The following IPO7 variants were observed in gnomAD, a reference collection of about 807,000 sequenced individuals.
IPO7 encodes importin-7.
IPO7 carries 13 observed loss-of-function variants against 136.4 expected under a neutral mutation model. The ratio of observed to expected loss-of-function variants is 0.10; its 90% confidence interval spans 0.06 to 0.15. IPO7 has a LOEUF of 0.15. Ranked by LOEUF, IPO7 falls within the 10% of genes least tolerant of loss-of-function variation. IPO7 has a pLI of 1.00. For missense variants in IPO7, 857 were observed against 1,240.6 expected (o/e 0.69, Z 4.65); for synonymous variants, 403 against 404.4 (o/e 1.00, Z 0.04).
chr11:9,429,305 A>G, intron 14 of IPO7, 109 bp downstream of exon 14: 2 of 926,380 alleles, frequency 2.2e-6, no homozygotes, highest in South Asian at 3.3e-5. Flanking sequence ...GCTTGAAGCC[A>G]GGTGTTCAAG....
chr11:9,447,089 A>G lies in IPO7; in HGVS notation c.*1895A>G, dbSNP rs978141460. On this transcript the variant is annotated 3_prime_UTR_variant, in exon 25 of 25. Coordinates refer to ENST00000379719, the MANE Select transcript of IPO7 (RefSeq NM_006391.3). ...CAGAGGGGAAATAATGAATAGTATT[A>G]AAGAAACATTCTCGTCTTCCTTTAC... 1 of 152,232 alleles carries G rather than the reference A, an allele frequency of 6.6e-6. No individual in the cohort carries two copies. Among genetic ancestry groups the G allele is most frequent in the Admixed American group, 6.5e-5 (1 of 15,280 alleles). 9.4% of individuals were successfully genotyped at this position (152,232 alleles called of 1,614,324 possible). A position where few individuals can be genotyped will look rare whatever the true frequency, so the allele number is the denominator to read the frequency against.
At chr11:9,404,741 A>G (rs1564994194) in intron 2 of IPO7, among the ~76,000 whole-genome samples, 2 of 150,940 alleles carry the variant, frequency 1.3e-5, no homozygotes, top group African/African-American at 4.9e-5. Flanking sequence ...AATTTTTTGT[A>G]TTTTTTAGTA....
At chr11:9,429,217 A>G (rs778163245) in intron 14 of IPO7, 21 bp downstream of exon 14, 1 of 1,602,986 alleles carries the variant, frequency 6.2e-7, no homozygotes, top group Admixed American at 1.7e-5. Flanking sequence ...TTTGTATGTC[A>G]AGAAAAGTGA....
chr11:9,413,371 A>G (rs183185212), intron 4 of IPO7, among the ~76,000 whole-genome samples: 1 of 152,156 alleles, frequency 6.6e-6, no homozygotes, highest in Non-Finnish European at 1.5e-5. Flanking sequence ...TGCTTTATAC[A>G]TACCATTTCT....
At position 9,428,550 on chromosome 11, in the gene IPO7, A is replaced by G; in HGVS notation, c.1346A>G (p.Tyr449Cys). 5 of 1,473,034 alleles carry G rather than the reference A, an allele frequency of 3.4e-6. No homozygotes were observed. The highest frequency in any genetic ancestry group is 1.8e-4 in the Middle Eastern group (1 of 5,570). 91.2% of individuals were successfully genotyped at this position (1,473,034 alleles called of 1,614,324 possible). Reference protein sequence around the residue: ...LAEILLKKKIYKDQMEYMLQN... With the variant: ...LAEILLKKKICKDQMEYMLQN... Reference sequence around the variant, plus strand: ...TGTTTATATTTACAGAAAAAGATCTATAAAGATCAGATGGAATACATGTTG... The same window carrying G: ...TGTTTATATTTACAGAAAAAGATCTGTAAAGATCAGATGGAATACATGTTG... Residue 449 changes from tyrosine (Y) to cysteine (C), a missense_variant, in exon 13 of 25, where the codon TAT becomes TGT. Tyr to Cys is a radical substitution (Grantham distance 194). Coordinates refer to ENST00000379719, the MANE Select transcript of IPO7 (RefSeq NM_006391.3).
intron 1 of IPO7, among the ~76,000 whole-genome samples, chr11:9,393,642 C>T (rs1854667541): frequency 6.6e-6 from 1 of 152,168 alleles, no homozygotes; most frequent in Non-Finnish European, 1.5e-5. Context: ...CTCGGCCTCC[C>T]AAAGTGTTGG....
At chr11:9,398,223 A>G (rs535492717) in intron 1 of IPO7, among the ~76,000 whole-genome samples, 30 of 152,294 alleles carry the variant, frequency 2.0e-4, no homozygotes, top group African/African-American at 7.2e-4. Flanking sequence ...TTTTTTTAAT[A>G]GCTTAAATGC....
chr11:9,434,194 A>G (rs997947015), intron 18 of IPO7, among the ~76,000 whole-genome samples: 2 of 152,128 alleles, frequency 1.3e-5, no homozygotes, highest in African/African-American at 4.8e-5. Flanking sequence ...AAGTGCTGGG[A>G]TTACAGGCAT....
intron 1 of IPO7, among the ~76,000 whole-genome samples, chr11:9,388,893 C>A (rs1854589103): frequency 6.6e-6 from 1 of 152,112 alleles, no homozygotes; most frequent in South Asian, 2.1e-4. Flanking sequence ...TTCTTCTCCC[C>A]ACTATAATTT....
intron 6 of IPO7, chr11:9,420,140 C>T (rs920119301): frequency 4.8e-5 from 16 of 332,366 alleles, no homozygotes; most frequent in Non-Finnish European, 7.2e-5. Context: ...TGGCTAACCC[C>T]GTCTCTACTA....
chr11:9,426,341 C>G (rs563687887), intron 12 of IPO7, among the ~76,000 whole-genome samples: 6 of 152,268 alleles, frequency 3.9e-5, no homozygotes, highest in African/African-American at 1.4e-4. Flanking sequence ...TGTGTTATAG[C>G]AGGTTTCAGT....
intron 16 of IPO7, among the ~76,000 whole-genome samples, chr11:9,432,756 T>C (rs535137959): frequency 6.6e-6 from 1 of 152,306 alleles, no homozygotes; most frequent in East Asian, 1.9e-4. Flanking sequence ...TAGACAATTA[T>C]AGAGGAATTT....
At chr11:9,431,680 C>T (rs143654010) in intron 16 of IPO7, among the ~76,000 whole-genome samples, 295 of 152,064 alleles carry the variant, frequency 1.9e-3, no homozygotes, top group African/African-American at 6.8e-3. Context: ...TTTAAAAAAT[C>T]CATTATTGGG....
intron 1 of IPO7, among the ~76,000 whole-genome samples, chr11:9,397,113 CAGT>C (rs1344608129): frequency 1.3e-5 from 2 of 151,008 alleles, no homozygotes. Context: ...CCAACAAAAA[CAGT>C]GGTGGTTTTT....
intron 12 of IPO7, among the ~76,000 whole-genome samples, chr11:9,425,840 C>T (rs1487369048): frequency 1.3e-5 from 2 of 149,428 alleles, no homozygotes; most frequent in Non-Finnish European, 3.0e-5. Flanking sequence ...GATCACGCCA[C>T]TGCAATCCAG....
At position 9,433,709 on chromosome 11, in the gene IPO7, A is replaced by G. The variant is rs771352106; in HGVS notation, c.1949-12A>G. ...GCAAGCATTTTCCTAATGACTTAGTATTCTCTTTTAGAATTCTATGAGGAG... is the reference window on the plus strand; with the variant it reads ...GCAAGCATTTTCCTAATGACTTAGTGTTCTCTTTTAGAATTCTATGAGGAG... On this transcript the variant is annotated splice_polypyrimidine_tract_variant and intron_variant, in intron 17 of 24. Coordinates refer to ENST00000379719, the MANE Select transcript of IPO7 (RefSeq NM_006391.3). 16 of 1,612,938 alleles carry G rather than the reference A, an allele frequency of 9.9e-6. No homozygotes were observed. The highest frequency in any genetic ancestry group is 3.3e-5 in the Admixed American group (2 of 59,988).
At chr11:9,425,323 C>A in intron 12 of IPO7, 61 bp downstream of exon 12, 1 of 970,164 alleles carries the variant, frequency 1.0e-6, no homozygotes, top group Non-Finnish European at 1.7e-6. Context: ...AATAAATAGC[C>A]AGCCAGGCAC....
At chr11:9,418,731 TAAAC>T (rs1284627901) in intron 6 of IPO7, among the ~76,000 whole-genome samples, 1 of 152,208 alleles carries the variant, frequency 6.6e-6, no homozygotes, top group African/African-American at 2.4e-5. Context: ...CGATTATAAA[TAAAC>T]AGTTCAGTGA....
rs1855167864 is a variant in IPO7 at position 9,423,875 on chromosome 11, T to A, written c.1140T>A (p.Phe380Leu). The A allele has an allele frequency of 6.3e-7, 1 of 1,583,414 alleles. No individual in the cohort carries two copies. Among genetic ancestry groups the A allele is most frequent in the Non-Finnish European group, 8.7e-7 (1 of 1,155,368 alleles). ...CTTACGAATATATACGCATGAAGTT[T>A]GGTAAGGAATTTTCACGTTTTTAGA... ...EDPYEYIRMK[F>L]DVFEDFISPT... Residue 380 changes from phenylalanine (F) to leucine (L), a missense_variant and splice_region_variant, in exon 10 of 25, where the codon TTT (phenylalanine) becomes TTA (leucine). Transcript: ENST00000379719.
Sources: gnomAD v4.1 joint callset for allele counts (sites outside exome capture counted in the v4.1 genomes callset) on GRCh38, gnomAD v4.1.1 for gene constraint, MANE v1.5 for transcripts, NCBI Gene and HGNC (gene_info 2026-07-23, HGNC 2026-07-21) for gene names.